The following CHCT1 variants were observed in gnomAD, a reference collection of about 807,000 sequenced individuals.
CHCT1 encodes CHD1 helical C-terminal domain containing protein 1.
At chr17:60,421,608 C>G in the CHCT1 span, 1 of 981,076 alleles carries the variant, frequency 1.0e-6, no homozygotes, top group Non-Finnish European at 1.2e-6. Flanking sequence ...GCAACGGTCT[C>G]TCGTCGCCGG....
chr17:60,426,135 C>T, the CHCT1 span: 1 of 1,549,272 alleles, frequency 6.5e-7, no homozygotes, highest in Non-Finnish European at 8.7e-7. Context: ...TCCCATGGCC[C>T]CTCACCTCAC....
chr17:60,425,894 G>C, the CHCT1 span: 1 of 1,542,988 alleles, frequency 6.5e-7, no homozygotes, highest in South Asian at 1.2e-5. Context: ...TGTGAGTAAA[G>C]AGCCAGCCTG....
the CHCT1 span, among the ~76,000 whole-genome samples, chr17:60,424,062 G>C: frequency 5.9e-5 from 9 of 152,202 alleles, no homozygotes; most frequent in Non-Finnish European, 1.2e-4. Flanking sequence ...GCAAGAGAGA[G>C]AGGAGGGCGT....
chr17:60,431,192 G>C, the CHCT1 span: 1 of 1,599,696 alleles, frequency 6.3e-7, no homozygotes, highest in South Asian at 1.1e-5. Context: ...TTCTTTAAGG[G>C]AGCTTTCTCA....
At chr17:60,425,182 G>A in the CHCT1 span, among the ~76,000 whole-genome samples, 9 of 152,198 alleles carry the variant, frequency 5.9e-5, no homozygotes, top group Admixed American at 5.9e-4. Context: ...ATAGATTTGA[G>A]GATCTCCTTC....
At chr17:60,429,547 T>C in the CHCT1 span, 34 of 1,613,896 alleles carry the variant, frequency 2.1e-5, no homozygotes, top group Non-Finnish European at 2.8e-5. Flanking sequence ...CCCAGGACCA[T>C]GTCAAGAAAG....
the CHCT1 span, among the ~76,000 whole-genome samples, chr17:60,423,015 CT>C: frequency 6.6e-6 from 1 of 152,112 alleles, no homozygotes; most frequent in African/African-American, 2.4e-5. Context: ...CTCCCTCCCC[CT>C]GGCCTTTCCC....
the CHCT1 span, chr17:60,429,319 C>T: frequency 1.3e-6 from 2 of 1,580,044 alleles, no homozygotes; most frequent in Non-Finnish European, 1.7e-6. Context: ...GTTCAGGTCC[C>T]CCTCTTCTCA....
the CHCT1 span, chr17:60,425,996 T>G: frequency 7.8e-7 from 1 of 1,277,718 alleles, no homozygotes; most frequent in South Asian, 1.3e-5. Flanking sequence ...CTTGTCTTAC[T>G]CTTGGTAAGG....
chr17:60,428,851 A>G, the CHCT1 span, among the ~76,000 whole-genome samples: 1 of 150,744 alleles, frequency 6.6e-6, no homozygotes, highest in East Asian at 2.0e-4. Context: ...AATTTATTTC[A>G]TTTCTAAAAT....
the CHCT1 span, chr17:60,426,704 C>A: frequency 6.2e-6 from 10 of 1,606,670 alleles, no homozygotes; most frequent in Middle Eastern, 1.7e-4. Context: ...AGCCTAGGGT[C>A]TCCCCCTTTG....
the CHCT1 span, among the ~76,000 whole-genome samples, chr17:60,428,934 G>A: frequency 3.6e-5 from 5 of 137,724 alleles, no homozygotes; most frequent in African/African-American, 8.1e-5. Flanking sequence ...ACAGAGTTTC[G>A]CTCTGTTGCC....
the CHCT1 span, among the ~76,000 whole-genome samples, chr17:60,428,776 C>T: frequency 1.3e-5 from 2 of 151,888 alleles, no homozygotes; most frequent in East Asian, 1.9e-4. Context: ...CATGAGCCAC[C>T]GCACCAGGCC....
the CHCT1 span, chr17:60,431,422 C>T: frequency 1.7e-6 from 1 of 592,148 alleles, no homozygotes; most frequent in East Asian, 2.9e-5. Context: ...GACAGTTCTA[C>T]CTTACTTGAC....
chr17:60,422,392 A>C, the CHCT1 span: 137 of 1,249,962 alleles, frequency 1.1e-4, no homozygotes, highest in East Asian at 4.3e-4. Flanking sequence ...TGGAGGGGCC[A>C]GCTGCAGCCA....
chr17:60,427,210 G>C, the CHCT1 span, among the ~76,000 whole-genome samples: 2 of 152,200 alleles, frequency 1.3e-5, no homozygotes, highest in African/African-American at 4.8e-5. Flanking sequence ...CAGCACAGGG[G>C]CAGCTCTGAG....
the CHCT1 span, among the ~76,000 whole-genome samples, chr17:60,430,122 CTTTTTTTTTTTT>C: frequency 1.6e-5 from 1 of 64,314 alleles, no homozygotes; most frequent in Non-Finnish European, 4.0e-5. Flanking sequence ...ACGCACCTGG[CTTTTTTTTTTTT>C]TTTTTTTTTT....
chr17:60,426,494 C>A, the CHCT1 span: 1 of 1,029,174 alleles, frequency 9.7e-7, no homozygotes, highest in Non-Finnish European at 1.4e-6. Context: ...TCAGGACAGC[C>A]CTGACTGCAC....
the CHCT1 span, among the ~76,000 whole-genome samples, chr17:60,425,544 C>T: frequency 3.3e-5 from 5 of 152,262 alleles, no homozygotes; most frequent in Admixed American, 6.5e-5. Flanking sequence ...TTTGCAGTTA[C>T]CTAGTAGAAT....
Sources: allele counts gnomAD v4.1 joint callset (sites outside exome capture counted in the v4.1 genomes callset), GRCh38; gene constraint gnomAD v4.1.1; transcripts MANE v1.5; gene names NCBI Gene and HGNC (gene_info 2026-07-23, HGNC 2026-07-21).